The following KIAA0040 variants were observed in gnomAD, a reference collection of about 807,000 sequenced individuals.
The protein encoded by KIAA0040 is KIAA0040.
Under a neutral mutation model 7.2 loss-of-function variants are expected in KIAA0040, and 10 were observed. The ratio of observed to expected loss-of-function variants is 1.38; its 90% CI spans 0.85 to 2.34. KIAA0040 has a LOEUF of 2.34. Ranked by LOEUF, KIAA0040 falls within the 30% of genes most tolerant of loss-of-function variation. The probability of loss-of-function intolerance (pLI) is 0.00; values close to 1 mark genes in which losing one functional copy is unlikely to be tolerated. For synonymous variants in KIAA0040, 49 were observed against 40.1 expected, an observed-to-expected ratio of 1.22 and a Z score of -0.84; for missense variants, 89 against 108.2, an observed-to-expected ratio of 0.82 and a Z score of 0.79.
intron 1 of KIAA0040, among the ~76,000 whole-genome samples, chr1:175,188,802 G>A (rs570382348): frequency 6.6e-6 from 1 of 152,170 alleles, no homozygotes; most frequent in East Asian, 1.9e-4. Context: ...ATCCCTTGAG[G>A]GTCTGCCCCT....
At chr1:175,192,096 C>T (rs1461912202) in intron 1 of KIAA0040, among the ~76,000 whole-genome samples, 3 of 152,126 alleles carry the variant, frequency 2.0e-5, no homozygotes, top group Admixed American at 6.5e-5. Flanking sequence ...GGGGGTGGGA[C>T]CACTGAGAGT....
intron 1 of KIAA0040, among the ~76,000 whole-genome samples, chr1:175,191,136 A>C (rs1357402386): frequency 1.3e-5 from 2 of 152,214 alleles, no homozygotes; most frequent in Non-Finnish European, 2.9e-5. Context: ...ACCAGACTGA[A>C]GCTCCTCAAA....
rs542116612 is a variant in KIAA0040 at position 175,187,843 on chromosome 1, T to C, written c.-384+4797A>G. On this transcript the variant is annotated intron_variant, in intron 1 of 3. Coordinates refer to ENST00000423313, the MANE Select transcript of KIAA0040 (RefSeq NM_014656.3). ...CACATGCGACTATCCTTATTGTTAT[T>C]ATTTGTATGTTATTTTCCTCTCTTC... 2.0e-5 allele frequency among the ~76,000 whole-genome samples: 3 copies of C among 152,286 alleles called. No homozygotes were observed. The South Asian group carries it at 6.2e-4, about 32-fold the overall frequency.
At chr1:175,167,143 GGAT>G (rs1676796789) in intron 2 of KIAA0040, among the ~76,000 whole-genome samples, 1 of 152,154 alleles carries the variant, frequency 6.6e-6, no homozygotes, top group Non-Finnish European at 1.5e-5. Flanking sequence ...CTCTGATGAG[GGAT>G]GACTGAGAGA....
chr1:175,189,201 C>A (rs1300534475), intron 1 of KIAA0040, among the ~76,000 whole-genome samples: 1 of 152,214 alleles, frequency 6.6e-6, no homozygotes, highest in Non-Finnish European at 1.5e-5. Flanking sequence ...GTTGGCATAA[C>A]ATTCCAACTT....
In KIAA0040 at chr1:175,176,669, C is replaced by CTTTTTTTTTTTTTTTTTTT. The variant is rs34859478; in HGVS notation, c.-310+923_-310+941dup. ...ATCCAGTGTCAGGTTAAGTAGCATG[C>CTTTTTTTTTTTTTTTTTTT]TTTTTTTTTTTTTTTTTTTTTTTTT... On this transcript the variant is annotated intron_variant, in intron 2 of 3. Coordinates refer to ENST00000423313, the MANE Select transcript of KIAA0040 (RefSeq NM_014656.3). Among the ~76,000 whole-genome samples, 3 of 27,466 alleles carry CTTTTTTTTTTTTTTTTTTT rather than the reference C, an allele frequency of 1.1e-4. 1 individual carries two copies. Among genetic ancestry groups the CTTTTTTTTTTTTTTTTTTT allele is most frequent in the African/African-American group, 2.6e-4 (3 of 11,716 alleles). 18.0% of individuals were successfully genotyped at this position (27,466 alleles called of 152,430 possible). A position where few individuals can be genotyped will look rare whatever the true frequency, so the allele number is the denominator to read the frequency against.
intron 1 of KIAA0040, among the ~76,000 whole-genome samples, chr1:175,182,932 C>T (rs12094576): frequency 1.4e-4 from 22 of 151,998 alleles, no homozygotes. Flanking sequence ...CTGAGGAGCT[C>T]GAGTATGCAA....
intron 1 of KIAA0040, among the ~76,000 whole-genome samples, chr1:175,181,988 T>A (rs2142507): frequency 6.6e-6 from 1 of 152,186 alleles, no homozygotes; most frequent in Non-Finnish European, 1.5e-5. Flanking sequence ...AGGGCCTTCT[T>A]GCAGCCACTG....
chr1:175,161,120 TGGG>T lies in KIAA0040; in HGVS notation c.-110_-108del. The T allele has an allele frequency of 5.3e-6, 6 of 1,136,720 alleles. No homozygotes were observed. Among genetic ancestry groups the T allele is most frequent in the Admixed American group, 2.8e-5 (1 of 35,436 alleles). 70.4% of individuals were successfully genotyped at this position (1,136,720 alleles called of 1,614,324 possible). A position where few individuals can be genotyped will look rare whatever the true frequency, so the allele number is the denominator to read the frequency against. On this transcript the variant is annotated 5_prime_UTR_variant, in exon 4 of 4. Coordinates refer to ENST00000423313, the MANE Select transcript of KIAA0040 (RefSeq NM_014656.3). ...TTGTAATTTATTCCTCTTCCAGCTTTGGGTTTGGGCATGCCACTGGCAGCACCT... is the reference window on the plus strand; with the variant it reads ...TTGTAATTTATTCCTCTTCCAGCTTTTTTGGGCATGCCACTGGCAGCACCT...
chr1:175,173,765 C>T (rs1384559392), intron 2 of KIAA0040, among the ~76,000 whole-genome samples: 3 of 152,308 alleles, frequency 2.0e-5, no homozygotes, highest in Non-Finnish European at 4.4e-5. Flanking sequence ...TAGGACCAAA[C>T]ACGTTGAAGA....
rs1676779185 is a variant in KIAA0040 at position 175,166,708 on chromosome 1, T to C, written c.-280A>G. 6.6e-6 allele frequency: 1 copy of C among 152,216 alleles called. No homozygotes were observed. The highest frequency in any genetic ancestry group is 2.4e-5 in the African/African-American group (1 of 41,430). The allele number at this position is 152,216 out of a possible 1,614,324, so 9.4% of individuals were successfully genotyped here. Reference sequence around the variant, plus strand: ...GTAAACAATCGCTGAACACCCGCCCTGTGCATTCAGATCCTGATCACCGCC... The same window carrying C: ...GTAAACAATCGCTGAACACCCGCCCCGTGCATTCAGATCCTGATCACCGCC... On this transcript the variant is annotated 5_prime_UTR_variant, in exon 3 of 4. Transcript: ENST00000423313.
Position 175,177,663 on chromosome 1 carries a change from C to G in KIAA0040, c.-362G>C, listed in dbSNP as rs1021907572. The G allele has an allele frequency of 6.6e-6, 1 of 152,196 alleles. No individual in the cohort carries two copies. Among genetic ancestry groups the G allele is most frequent in the Non-Finnish European group, 1.5e-5 (1 of 68,030 alleles). 9.4% of individuals were successfully genotyped at this position (152,196 alleles called of 1,614,324 possible). Reference sequence around the variant, plus strand: ...CAGCTGCTTTGAGTCTCAGTTTCTTCATCTCCAAAATGGGGAACAATCTAG... The same window carrying G: ...CAGCTGCTTTGAGTCTCAGTTTCTTGATCTCCAAAATGGGGAACAATCTAG... On this transcript the variant is annotated 5_prime_UTR_variant, in exon 2 of 4. It removes an upstream start codon present in the reference 5' UTR. Transcript: ENST00000423313.
chr1:175,175,129 T>C (rs1677134106), intron 2 of KIAA0040, among the ~76,000 whole-genome samples: 1 of 152,214 alleles, frequency 6.6e-6, no homozygotes, highest in Non-Finnish European at 1.5e-5. Context: ...GATGCTTAAG[T>C]GTTCAAATGT....
intron 1 of KIAA0040, among the ~76,000 whole-genome samples, chr1:175,185,497 T>C (rs1453443341): frequency 2.6e-5 from 4 of 152,224 alleles, no homozygotes; most frequent in Non-Finnish European, 4.4e-5. Flanking sequence ...TAATATCTTT[T>C]ATAAAAGCAT....
intron 1 of KIAA0040, among the ~76,000 whole-genome samples, chr1:175,183,492 G>C (rs1346517881): frequency 6.6e-6 from 1 of 152,174 alleles, no homozygotes; most frequent in Non-Finnish European, 1.5e-5. Context: ...TGATGGGTTG[G>C]GATAGCAGGG....
At chr1:175,163,432 A>G (rs1676628297) in intron 3 of KIAA0040, among the ~76,000 whole-genome samples, 2 of 152,246 alleles carry the variant, frequency 1.3e-5, no homozygotes, top group Admixed American at 1.3e-4. Flanking sequence ...CTGAGGAGTC[A>G]TGTCCTCTCA....
At chr1:175,175,420 T>C (rs1440806339) in intron 2 of KIAA0040, among the ~76,000 whole-genome samples, 2 of 151,518 alleles carry the variant, frequency 1.3e-5, no homozygotes, top group Admixed American at 1.3e-4. Context: ...ACTTTTACAC[T>C]GTTGGTGGGA....
intron 1 of KIAA0040, among the ~76,000 whole-genome samples, chr1:175,190,347 A>G (rs995587166): frequency 6.6e-6 from 1 of 152,192 alleles, no homozygotes; most frequent in Admixed American, 6.5e-5. Context: ...TTCAGCACCA[A>G]TGTGGTGCTA....
At chr1:175,167,634 G>A (rs1382702236) in intron 2 of KIAA0040, among the ~76,000 whole-genome samples, 1 of 152,200 alleles carries the variant, frequency 6.6e-6, no homozygotes, top group Non-Finnish European at 1.5e-5. Flanking sequence ...TCTCTGACGT[G>A]TGAGAGGACA....
Sources: allele counts gnomAD v4.1 joint callset (sites outside exome capture counted in the v4.1 genomes callset), GRCh38; gene constraint gnomAD v4.1.1; transcripts MANE v1.5; gene names NCBI Gene and HGNC (gene_info 2026-07-23, HGNC 2026-07-21).